The following SULF2 variants were observed in gnomAD, a reference collection of about 807,000 sequenced individuals.
SULF2 encodes the protein extracellular sulfatase Sulf-2.
A neutral mutation model predicts 107.7 loss-of-function variants in SULF2; 52 were observed. That is an observed-to-expected ratio of 0.48 (90% CI 0.39 to 0.61). The LOEUF (loss-of-function observed/expected upper bound fraction) is 0.61. Ranked by LOEUF, SULF2 falls within the 20% of genes least tolerant of loss-of-function variation. The pLI is 0.00. For missense variants in SULF2, 993 were observed against 1,177.3 expected, an observed-to-expected ratio of 0.84 and a Z score of 2.29; for synonymous variants, 460 against 464.3, an observed-to-expected ratio of 0.99 and a Z score of 0.12.
chr20:47,722,771 A>G (rs2089329775), intron 3 of SULF2, among the ~76,000 whole-genome samples: 1 of 152,004 alleles, frequency 6.6e-6, no homozygotes, highest in Non-Finnish European at 1.5e-5. Flanking sequence ...GTCTCTACTA[A>G]AGTACAAAAA....
At chr20:47,668,865 T>G (rs147259360) in intron 11 of SULF2, among the ~76,000 whole-genome samples, 1 of 152,314 alleles carries the variant, frequency 6.6e-6, no homozygotes, top group African/African-American at 2.4e-5. Flanking sequence ...CGGTCACCTC[T>G]CTGTGACTGG....
At chr20:47,782,770 A>G (rs2090855290) in intron 1 of SULF2, among the ~76,000 whole-genome samples, 2 of 152,022 alleles carry the variant, frequency 1.3e-5, no homozygotes, top group Non-Finnish European at 2.9e-5. Flanking sequence ...AGCACCAGGC[A>G]GACACATGTT....
At chr20:47,697,057 C>T (rs1201609327) in intron 4 of SULF2, among the ~76,000 whole-genome samples, 1 of 152,148 alleles carries the variant, frequency 6.6e-6, no homozygotes, top group Non-Finnish European at 1.5e-5. Context: ...CAGGTCGCCC[C>T]CACACTGGCC....
chr20:47,751,805 C>A (rs773472988), intron 2 of SULF2, among the ~76,000 whole-genome samples: 2 of 152,220 alleles, frequency 1.3e-5, no homozygotes, highest in East Asian at 3.8e-4. Flanking sequence ...TTGTGACACA[C>A]GCGTTTTTAA....
At chr20:47,776,477 G>A (rs1490224857) in intron 1 of SULF2, among the ~76,000 whole-genome samples, 1 of 152,212 alleles carries the variant, frequency 6.6e-6, no homozygotes. Flanking sequence ...CCTGTACAAA[G>A]TGCTCGGTAA....
At chr20:47,717,236 C>T (rs2089150642) in intron 3 of SULF2, among the ~76,000 whole-genome samples, 1 of 152,210 alleles carries the variant, frequency 6.6e-6, no homozygotes, top group Non-Finnish European at 1.5e-5. Flanking sequence ...TGACCTACAA[C>T]ATCCCAGTGA....
chr20:47,661,495 TG>T (rs2087064962), intron 18 of SULF2: 1 of 275,208 alleles, frequency 3.6e-6, no homozygotes, highest in Non-Finnish European at 7.2e-6. Flanking sequence ...AGGAAGTGTT[TG>T]TTGAATGCAT....
At chr20:47,701,219 C>G (rs977860550) in intron 4 of SULF2, among the ~76,000 whole-genome samples, 12 of 152,280 alleles carry the variant, frequency 7.9e-5, no homozygotes, top group African/African-American at 2.6e-4. Context: ...CTAGAATAGG[C>G]AAAAATAATC....
At chr20:47,669,683 C>T (rs1440780574) in intron 11 of SULF2, among the ~76,000 whole-genome samples, 39 of 152,192 alleles carry the variant, frequency 2.6e-4, no homozygotes, top group Admixed American at 2.5e-3. Flanking sequence ...TCCATCATCC[C>T]CTGATGATCA....
chr20:47,659,239 G>A (rs997941485), intron 20 of SULF2, among the ~76,000 whole-genome samples, 160 bp downstream of exon 20: 4 of 152,158 alleles, frequency 2.6e-5, no homozygotes, highest in South Asian at 2.1e-4. Flanking sequence ...GGATTCAAGT[G>A]TTTTCTTAGG....
At chr20:47,690,356 C>T (rs1279684908) in intron 4 of SULF2, 61 bp from the exon 5 acceptor site, 1 of 1,315,688 alleles carries the variant, frequency 7.6e-7, no homozygotes, top group Non-Finnish European at 9.9e-7. Context: ...CTGGTGTCCA[C>T]TACGTGCCAG....
intron 6 of SULF2, 64 bp from the exon 7 acceptor site, chr20:47,683,233 G>GA: frequency 1.3e-6 from 2 of 1,483,628 alleles, no homozygotes; most frequent in Non-Finnish European, 1.8e-6. Flanking sequence ...CTCCGACCCG[G>GA]GGTGACAGGC....
Position 47,666,618 on chromosome 20 carries a change from G to C in SULF2, c.1577-130C>G. On this transcript the variant is annotated intron_variant, in intron 11 of 20. Coordinates refer to ENST00000688720, the MANE Select transcript of SULF2 (RefSeq NM_001387048.1). The surrounding 1 kb of genome is among the most constrained non-coding windows in gnomAD (Gnocchi z 5.4). ...AGGCTCAGCTTTGCCTGCGACTCGA[G>C]GGGTCGTGGAATCTACCCGCCTGCT... 2.7e-6 allele frequency: 2 copies of C among 733,512 alleles called. No individual in the cohort carries two copies. Among genetic ancestry groups the C allele is most frequent in the Non-Finnish European group, 4.5e-6 (2 of 448,346 alleles). 45.4% of individuals were successfully genotyped at this position (733,512 alleles called of 1,614,324 possible). A position where few individuals can be genotyped will look rare whatever the true frequency, so the allele number is the denominator to read the frequency against.
At chr20:47,729,046 C>T (rs954231935) in intron 3 of SULF2, among the ~76,000 whole-genome samples, 1 of 152,208 alleles carries the variant, frequency 6.6e-6, no homozygotes, top group Non-Finnish European at 1.5e-5. Flanking sequence ...TGGGAAAAAA[C>T]TGGGATGAAC....
Position 47,663,061 on chromosome 20 carries a change from T to G in SULF2, c.2370+9A>C, listed in dbSNP as rs901354072. On this transcript the variant is annotated intron_variant, in intron 17 of 20. Coordinates refer to ENST00000688720, the MANE Select transcript of SULF2 (RefSeq NM_001387048.1). ...ACACCCCCATCCCTCTAGCTCGGGT[T>G]GCCTGTACCTGGTAGGGGTCTGTGT... The G allele has an allele frequency of 2.5e-6, 4 of 1,613,970 alleles. No individual in the cohort carries two copies. Among genetic ancestry groups the G allele is most frequent in the Non-Finnish European group, 3.4e-6 (4 of 1,180,008 alleles).
In SULF2 at chr20:47,757,256, C is replaced by T. The variant is rs530735757; in HGVS notation, c.108G>A (p.Gln36=). ...TGGGGCGGATGTTCCTGCGGTCCCT[C>T]TGAAACCTGCCTTTCAGGCGGTGGT... The part of the protein sequence containing the change: ...LSHHRLKGRF[Q]RDRRNIRPNI... The change falls in exon 2 of 21, where the codon CAG becomes CAA. Residue 36 remains glutamine, a synonymous_variant. Coordinates refer to ENST00000688720, the MANE Select transcript of SULF2 (RefSeq NM_001387048.1). 1 of 1,575,632 alleles carries T rather than the reference C, an allele frequency of 6.3e-7. No individual in the cohort carries two copies. Among genetic ancestry groups the T allele is most frequent in the East Asian group, 2.3e-5 (1 of 42,836 alleles).
Position 47,702,564 on chromosome 20 carries a change from C to G in SULF2, c.522G>C (p.Leu174=). ...GCTTCTCTTTCACCCCGTTCCGACACAGCGTGTAGTTATAAAAGCGGGAGT... is the reference window on the plus strand; with the variant it reads ...GCTTCTCTTTCACCCCGTTCCGACAGAGCGTGTAGTTATAAAAGCGGGAGT... ...LKNSRFYNYT[L]CRNGVKEKHG... is the part of the protein sequence containing the mutation. The change falls in exon 4 of 21, where the codon CTG becomes CTC. Residue 174 remains leucine, a synonymous_variant. Transcript: ENST00000688720. 1 of 1,613,268 alleles carries G rather than the reference C, an allele frequency of 6.2e-7. No homozygotes were observed. Among genetic ancestry groups the G allele is most frequent in the Non-Finnish European group, 8.5e-7 (1 of 1,180,014 alleles).
intron 18 of SULF2, 125 bp downstream of exon 18, chr20:47,661,648 T>TG (rs2087071508): frequency 9.4e-7 from 1 of 1,064,702 alleles, no homozygotes; most frequent in Non-Finnish European, 1.3e-6. Context: ...ATGACTCGTC[T>TG]GGAACTGTAT....
intron 2 of SULF2, among the ~76,000 whole-genome samples, chr20:47,739,015 G>A (rs374002431): frequency 1.3e-5 from 2 of 152,306 alleles, no homozygotes; most frequent in Non-Finnish European, 1.5e-5. Flanking sequence ...GAGACTGGAG[G>A]GATGCACATA....
Sources: allele counts gnomAD v4.1 joint callset (sites outside exome capture counted in the v4.1 genomes callset), GRCh38; gene constraint gnomAD v4.1.1; non-coding constraint Gnocchi (gnomAD v3.1); transcripts MANE v1.5; gene names NCBI Gene and HGNC (gene_info 2026-07-23, HGNC 2026-07-21).